CDK5RAP1: variants seen among roughly 807,000 people sequenced by gnomAD.
CDK5RAP1 encodes CDK5RAP1 mitochondrial tRNA methylthiotransferase.
In CDK5RAP1, 62 loss-of-function variants were observed where a neutral mutation model predicts 64.5. The ratio of observed to expected loss-of-function variants is 0.96; its 90% confidence interval spans 0.78 to 1.19. The LOEUF (loss-of-function observed/expected upper bound fraction) is 1.19. Among genes scored for constraint, CDK5RAP1 ranks in the 50% most tolerant of loss-of-function variants. The pLI, the probability that CDK5RAP1 is intolerant of heterozygous loss-of-function variation, is 0.00. For missense variants in CDK5RAP1, 657 were observed against 735.0 expected (o/e 0.89, Z 1.23); for synonymous variants, 250 against 261.9 (o/e 0.95, Z 0.44).
At chr20:33,374,091 GCC>G in intron 9 of CDK5RAP1, 22 bp downstream of exon 9, 1 of 1,507,704 alleles carries the variant, frequency 6.6e-7, no homozygotes, top group Non-Finnish European at 9.2e-7. Flanking sequence ...AGTGAGGGAT[GCC>G]CCCTCTCCAA....
intron 9 of CDK5RAP1, 177 bp from the exon 10 acceptor site, chr20:33,372,874 C>A (rs543099719): frequency 3.1e-5 from 14 of 449,168 alleles, no homozygotes; most frequent in Non-Finnish European, 5.1e-5. Context: ...ATCTTCTAAT[C>A]TAATCTAGAG....
chr20:33,369,125 C>T (rs545584998), intron 11 of CDK5RAP1, among the ~76,000 whole-genome samples: 3 of 150,818 alleles, frequency 2.0e-5, no homozygotes, highest in South Asian at 2.1e-4. Context: ...GGTGACAGAG[C>T]GAGACTCTGT....
At chr20:33,390,978 G>A (rs908381779) in intron 5 of CDK5RAP1, among the ~76,000 whole-genome samples, 5 of 152,160 alleles carry the variant, frequency 3.3e-5, no homozygotes, top group African/African-American at 1.2e-4. Context: ...TAGGCCTGGT[G>A]CAGTGGCTCA....
Position 33,368,549 on chromosome 20 carries a change from C to A in CDK5RAP1, c.1393-1541G>T, listed in dbSNP as rs578206710. 3.0e-5 allele frequency among the ~76,000 whole-genome samples: 4 copies of A among 132,606 alleles called. No individual in the cohort carries two copies. The East Asian group carries it at 9.6e-4, about 32-fold the overall frequency. The allele number at this position is 132,606 out of a possible 152,430, so 87.0% of individuals were successfully genotyped here. On this transcript the variant is annotated intron_variant, in intron 11 of 13. Coordinates refer to ENST00000346416, the MANE Select transcript of CDK5RAP1 (RefSeq NM_016408.4). ...TCTCAAACTCCTGGGCTTAAGTGGT[C>A]CTCCCACCTCTACCAATCCTAGTAT...
chr20:33,364,456 G>GTCCC, intron 12 of CDK5RAP1, among the ~76,000 whole-genome samples: 1 of 151,976 alleles, frequency 6.6e-6, no homozygotes, highest in East Asian at 1.9e-4. Flanking sequence ...CAAAGTGATG[G>GTCCC]GATTACAGAC....
At chr20:33,393,875 G>A (rs1242757167) in intron 4 of CDK5RAP1, among the ~76,000 whole-genome samples, 157 bp downstream of exon 4, 1 of 152,152 alleles carries the variant, frequency 6.6e-6, no homozygotes, top group Non-Finnish European at 1.5e-5. Context: ...GCCAATGTCA[G>A]CCAGTTGTAT....
intron 5 of CDK5RAP1, among the ~76,000 whole-genome samples, chr20:33,389,778 G>A (rs891050338): frequency 3.3e-5 from 5 of 152,184 alleles, no homozygotes; most frequent in Admixed American, 2.0e-4. Flanking sequence ...GGGAAATGTG[G>A]GGAAAAGATA....
intron 9 of CDK5RAP1, 193 bp from the exon 10 acceptor site, chr20:33,372,890 G>T: frequency 2.5e-5 from 9 of 361,200 alleles, no homozygotes; most frequent in Non-Finnish European, 4.0e-5. Context: ...TAGAGCCTAT[G>T]AATTTTTATT....
chr20:33,379,523 T>C lies in CDK5RAP1; in HGVS notation c.1045A>G (p.Arg349Gly). 6.2e-7 allele frequency: 1 copy of C among 1,614,162 alleles called. No individual in the cohort carries two copies. The highest frequency in any genetic ancestry group is 8.5e-7 in the Non-Finnish European group (1 of 1,180,002). Residue 349 changes from arginine to glycine, a missense_variant, in exon 8 of 14, where the codon AGA (arginine) becomes GGA (glycine). Arg to Gly is a moderately radical substitution (Grantham distance 125). Coordinates refer to ENST00000346416, the MANE Select transcript of CDK5RAP1 (RefSeq NM_016408.4). ...RFAHLLDQVS[R>G]VDPEMRIRFT... The stretch of plus-strand genomic sequence containing the variant: ...CGGATCCTCATTTCAGGATCTACTC[T>C]GGAGACCTGATCCAGAAGATGAGCA...
rs746432401 is a variant in CDK5RAP1 at position 33,396,779 on chromosome 20, G to C, written c.286C>G (p.Leu96Val). The change falls in exon 2 of 14, where the codon CTT (leucine) becomes GTT (valine). Residue 96 changes from leucine (L) to valine (V), a missense_variant. Physicochemically the swap from Leu to Val is conservative, Grantham distance 32. Coordinates refer to ENST00000346416, the MANE Select transcript of CDK5RAP1 (RefSeq NM_016408.4). ...PPPYLMMDEL[L>V]GRQRKVYLET... ...AACCAACCTTTTCTCTGCCTTCCAA[G>C]AAGTTCATCCATCATGAGATAGGGA... 2.0e-5 allele frequency: 32 copies of C among 1,612,776 alleles called. No individual in the cohort carries two copies. Among genetic ancestry groups the C allele is most frequent in the Non-Finnish European group, 2.7e-5 (32 of 1,179,178 alleles).
intron 13 of CDK5RAP1, chr20:33,360,065 C>A: frequency 2.7e-6 from 1 of 367,976 alleles, no homozygotes. Context: ...GAAATCACTC[C>A]ACCTCCTGGC....
chr20:33,388,399 G>A (rs1461383480), intron 5 of CDK5RAP1, among the ~76,000 whole-genome samples: 1 of 152,158 alleles, frequency 6.6e-6, no homozygotes, highest in Non-Finnish European at 1.5e-5. Context: ...CATGTTCATA[G>A]CACTATTATC....
intron 12 of CDK5RAP1, among the ~76,000 whole-genome samples, chr20:33,366,318 CA>C (rs759479446): frequency 0.016 from 497 of 31,786 alleles, no homozygotes; most frequent in African/African-American, 0.034. Flanking sequence ...GACTCCATCT[CA>C]AAAAAAAAAA....
At position 33,395,119 on chromosome 20, in the gene CDK5RAP1, G is replaced by A. The variant is rs746218718; in HGVS notation, c.305-3C>T. 2.5e-6 allele frequency: 4 copies of A among 1,571,500 alleles called. No homozygotes were observed. The highest frequency in any genetic ancestry group is 2.6e-6 in the Non-Finnish European group (3 of 1,141,480). ...GCAGCCATAGGTCTCGAGGTAGACT[G>A]CAGTGAGAGGTTGGGGGGAATCCAT... On this transcript the variant is annotated splice_region_variant and splice_polypyrimidine_tract_variant and intron_variant, in intron 2 of 13. Coordinates refer to ENST00000346416, the MANE Select transcript of CDK5RAP1 (RefSeq NM_016408.4).
At chr20:33,397,988 T>C (rs2146732190) in intron 1 of CDK5RAP1, among the ~76,000 whole-genome samples, 1 of 151,594 alleles carries the variant, frequency 6.6e-6, no homozygotes, top group East Asian at 1.9e-4. Context: ...CGAAACTCCA[T>C]CTCAAAACAA....
rs146069033 is a variant in CDK5RAP1, at chr20:33,359,999, G to A, written c.1683+352C>T. The A allele has an allele frequency of 6.8e-4, 141 of 207,184 alleles. No individual in the cohort carries two copies. In the Middle Eastern group the frequency reaches 0.016, roughly 24 times the overall value. 12.8% of individuals were successfully genotyped at this position (207,184 alleles called of 1,614,324 possible). A position where few individuals can be genotyped will look rare whatever the true frequency, so the allele number is the denominator to read the frequency against. Reference sequence around the variant, plus strand: ...CATGTAAGTTAAAGAGGCCTGAGCCGTCAGAGATCACAAAGAAAATGTTGA... The same window carrying A: ...CATGTAAGTTAAAGAGGCCTGAGCCATCAGAGATCACAAAGAAAATGTTGA... On this transcript the variant is annotated intron_variant, in intron 13 of 13. Transcript: ENST00000346416.
At chr20:33,374,977 C>A (rs1480302198) in intron 8 of CDK5RAP1, among the ~76,000 whole-genome samples, 1 of 149,398 alleles carries the variant, frequency 6.7e-6, no homozygotes, top group Non-Finnish European at 1.5e-5. Context: ...CCAGCCTGGA[C>A]AACATAGTGA....
intron 5 of CDK5RAP1, among the ~76,000 whole-genome samples, chr20:33,391,141 C>T (rs1324735034): frequency 6.6e-6 from 1 of 151,438 alleles, no homozygotes; most frequent in Non-Finnish European, 1.5e-5. Context: ...GTAGACCTAG[C>T]TACCCAGGAG....
chr20:33,384,303 T>C (rs1157015779), intron 7 of CDK5RAP1, among the ~76,000 whole-genome samples: 1 of 152,226 alleles, frequency 6.6e-6, no homozygotes, highest in Non-Finnish European at 1.5e-5. Flanking sequence ...TTTAATGTTA[T>C]TAAGTTCCTT....
Sources: allele counts gnomAD v4.1 joint callset (sites outside exome capture counted in the v4.1 genomes callset), GRCh38; gene constraint gnomAD v4.1.1; transcripts MANE v1.5; gene names NCBI Gene and HGNC (gene_info 2026-07-23, HGNC 2026-07-21).